Variants in DUSP10 observed in about 807,000 individuals in gnomAD.
The protein encoded by DUSP10 is dual specificity protein phosphatase 10.
DUSP10 carries 14 observed loss-of-function variants against 30.8 expected under a neutral mutation model. That is an observed-to-expected ratio of 0.46 (90% confidence interval 0.30 to 0.71). The LOEUF (loss-of-function observed/expected upper bound fraction) is 0.71, where lower values mean the gene tolerates loss of function less well. Ranked by LOEUF, DUSP10 falls within the 30% of genes least tolerant of loss-of-function variation. The probability of loss-of-function intolerance (pLI) is 0.08; values close to 1 mark genes in which losing one functional copy is unlikely to be tolerated. For synonymous variants in DUSP10, 254 were observed against 250.4 expected (o/e 1.01, Z -0.14); for missense variants, 550 against 619.4 (o/e 0.89, Z 1.19).
In DUSP10 at chr1:221,736,761, C is replaced by G. The variant is rs528637973; in HGVS notation, c.811+2173G>C. On this transcript the variant is annotated intron_variant, in intron 2 of 3. Transcript: ENST00000366899. Reference sequence around the variant, plus strand: ...GATAATTATAAAGTAGAATATAGACCCCTTCACTCCTGAACTACATATTTT... The same window carrying G: ...GATAATTATAAAGTAGAATATAGACGCCTTCACTCCTGAACTACATATTTT... 15 of 948,594 alleles carry G rather than the reference C, an allele frequency of 1.6e-5. No individual in the cohort carries two copies. In the East Asian group the frequency reaches 1.5e-3, roughly 95 times the overall value. The allele number at this position is 948,594 out of a possible 1,614,324, so 58.8% of individuals were successfully genotyped here.
intron 2 of DUSP10, chr1:221,736,856 G>A (rs1661789018): frequency 1.0e-6 from 1 of 985,420 alleles, no homozygotes; most frequent in Middle Eastern, 5.2e-4. Flanking sequence ...TACCACCAGA[G>A]CATCTTCCAA....
intron 2 of DUSP10, among the ~76,000 whole-genome samples, chr1:221,718,984 A>T (rs1221825631): frequency 1.3e-5 from 2 of 152,256 alleles, no homozygotes; most frequent in African/African-American, 2.4e-5. Flanking sequence ...AAAGTTACAC[A>T]GGTGAAGCCT....
At chr1:221,708,885 A>G (rs375789511) in intron 2 of DUSP10, among the ~76,000 whole-genome samples, 102 of 152,228 alleles carry the variant, frequency 6.7e-4, no homozygotes, top group African/African-American at 2.3e-3. Context: ...TTTCCATATA[A>G]GATGAGAGGG....
intron 2 of DUSP10, among the ~76,000 whole-genome samples, chr1:221,735,859 A>T (rs1427260622): frequency 6.6e-6 from 1 of 152,210 alleles, no homozygotes. Flanking sequence ...CAACTTTCTT[A>T]CTCAGTTTGA....
At chr1:221,735,619 T>C (rs1448132196) in intron 2 of DUSP10, among the ~76,000 whole-genome samples, 1 of 152,228 alleles carries the variant, frequency 6.6e-6, no homozygotes, top group Non-Finnish European at 1.5e-5. Context: ...TTGATAGGTG[T>C]ATGGATGTTC....
intron 2 of DUSP10, among the ~76,000 whole-genome samples, chr1:221,738,276 G>GA (rs1457863087): frequency 5.3e-5 from 8 of 152,186 alleles, no homozygotes; most frequent in African/African-American, 9.6e-5. Flanking sequence ...GGTGAGGCCA[G>GA]AAAAAACAAT....
At chr1:221,721,176 G>C (rs191904484) in intron 2 of DUSP10, among the ~76,000 whole-genome samples, 3 of 152,190 alleles carry the variant, frequency 2.0e-5, no homozygotes, top group African/African-American at 4.8e-5. Flanking sequence ...TCACTGTTTA[G>C]CATCTGAATT....
At chr1:221,707,768 A>C (rs1321432251) in intron 2 of DUSP10, among the ~76,000 whole-genome samples, 1 of 152,222 alleles carries the variant, frequency 6.6e-6, no homozygotes, top group Non-Finnish European at 1.5e-5. Flanking sequence ...GAGTAGTTGC[A>C]AAAAGGATGT....
intron 2 of DUSP10, among the ~76,000 whole-genome samples, chr1:221,718,479 C>T (rs549074113): frequency 3.5e-4 from 53 of 152,236 alleles, no homozygotes; most frequent in Non-Finnish European, 6.5e-4. Flanking sequence ...TCCATGAGAT[C>T]ATCCTGGGAA....
At chr1:221,709,292 C>T (rs1387506806) in intron 2 of DUSP10, among the ~76,000 whole-genome samples, 2 of 151,582 alleles carry the variant, frequency 1.3e-5, no homozygotes, top group Non-Finnish European at 2.9e-5. Context: ...TGGCATGGGC[C>T]TTCCATTTGC....
intron 2 of DUSP10, among the ~76,000 whole-genome samples, chr1:221,725,477 A>C (rs1232892601): frequency 3.3e-5 from 5 of 152,200 alleles, no homozygotes; most frequent in Non-Finnish European, 7.3e-5. Context: ...GGGGCTTTCT[A>C]GCCATCCTCA....
At position 221,706,208 on chromosome 1, in the gene DUSP10, T is replaced by G. The variant is rs774702967; in HGVS notation, c.1070A>C (p.His357Pro). ...TTTCTCATAGTGGTAGAGGGGAAGATGAGTGGTGACGTTGATGACGTAGCC... is the reference window on the plus strand; with the variant it reads ...TTTCTCATAGTGGTAGAGGGGAAGAGGAGTGGTGACGTTGATGACGTAGCC... ...NIGYVINVTT[H>P]LPLYHYEKGL... Residue 357 changes from histidine (H) to proline (P), a missense_variant, in exon 3 of 4, where the codon CAT becomes CCT. Physicochemically the swap from His to Pro is moderately conservative, Grantham distance 77 (BLOSUM62 -2). Transcript: ENST00000366899. This position sits in a 1 kb window ranked among gnomAD's most constrained non-coding sequence, Gnocchi z 4.6. The G allele has an allele frequency of 6.2e-7, 1 of 1,614,092 alleles. No homozygotes were observed. Among genetic ancestry groups the G allele is most frequent in the Non-Finnish European group, 8.5e-7 (1 of 1,180,014 alleles).
intron 2 of DUSP10, among the ~76,000 whole-genome samples, chr1:221,730,123 G>A (rs1182412973): frequency 6.6e-6 from 1 of 151,726 alleles, no homozygotes; most frequent in African/African-American, 2.4e-5. Flanking sequence ...TCTCTTGCCA[G>A]TAGCAACAGC....
At position 221,739,598 on chromosome 1, in the gene DUSP10, G is replaced by A. The variant is rs943040472; in HGVS notation, c.147C>T (p.Thr49=). The change falls in exon 2 of 4, where the codon ACC becomes ACT. Residue 49 remains threonine, a synonymous_variant. Coordinates refer to ENST00000366899, the MANE Select transcript of DUSP10 (RefSeq NM_007207.6). Reference sequence around the variant, plus strand: ...GATTCGCAGCCTTGAGGGACACAACGGTGGTGGCGATGACAGGAGGGTGGC... The same window carrying A: ...GATTCGCAGCCTTGAGGGACACAACAGTGGTGGCGATGACAGGAGGGTGGC... ...SNSHPPVIAT[T]VVSLKAANLT... 3.1e-6 allele frequency: 5 copies of A among 1,614,204 alleles called. No individual in the cohort carries two copies. Among genetic ancestry groups the A allele is most frequent in the Middle Eastern group, 1.7e-4 (1 of 6,060 alleles).
intron 2 of DUSP10, among the ~76,000 whole-genome samples, chr1:221,730,823 ACT>A (rs1661569807): frequency 6.6e-6 from 1 of 151,706 alleles, no homozygotes; most frequent in South Asian, 2.1e-4. Context: ...TATATCTATA[ACT>A]CTCTATATAT....
intron 2 of DUSP10, among the ~76,000 whole-genome samples, chr1:221,721,804 G>A (rs1661285517): frequency 6.6e-6 from 1 of 152,194 alleles, no homozygotes; most frequent in Admixed American, 6.5e-5. Context: ...TGAGCAGCAG[G>A]AGGGGCCCTC....
At chr1:221,726,786 T>C (rs1313609619) in intron 2 of DUSP10, among the ~76,000 whole-genome samples, 1 of 151,616 alleles carries the variant, frequency 6.6e-6, no homozygotes, top group Non-Finnish European at 1.5e-5. Context: ...AACAAAAAGA[T>C]CTACCAAGCA....
chr1:221,708,048 A>T (rs1355431203), intron 2 of DUSP10, among the ~76,000 whole-genome samples: 1 of 152,220 alleles, frequency 6.6e-6, no homozygotes, highest in Non-Finnish European at 1.5e-5. Context: ...GTGCCAACTG[A>T]GCTCTAACCC....
intron 1 of DUSP10, 105 bp downstream of exon 1, chr1:221,741,876 T>TACACACACACAA (rs1035735848): frequency 2.0e-5 from 3 of 152,138 alleles, no homozygotes; most frequent in African/African-American, 4.8e-5. Context: ...CACACACAGA[T>TACACACACACAA]ACACACACAC....
Sources: allele counts gnomAD v4.1 joint callset (sites outside exome capture counted in the v4.1 genomes callset), GRCh38; gene constraint gnomAD v4.1.1; non-coding constraint Gnocchi (gnomAD v3.1); transcripts MANE v1.5; gene names NCBI Gene and HGNC (gene_info 2026-07-23, HGNC 2026-07-21).